UGGT2: variants seen among roughly 807,000 people sequenced by gnomAD.
UGGT2 encodes the protein UDP-glucose:glycoprotein glucosyltransferase 2.
UGGT2 carries 180 observed loss-of-function variants against 192.1 expected under a neutral mutation model. The observed-to-expected ratio is 0.94, with a 90% CI of 0.83 to 1.06. The LOEUF is 1.06. UGGT2 is among the 50% of genes least tolerant of loss of function. The probability of loss-of-function intolerance (pLI) is 0.00; values close to 1 mark genes in which losing one functional copy is unlikely to be tolerated. For synonymous variants in UGGT2, 580 were observed against 591.0 expected (o/e 0.98, Z 0.27); for missense variants, 1,849 against 1,795.7 (o/e 1.03, Z -0.54).
chr13:96,019,496 C>G (rs927854493), intron 4 of UGGT2, among the ~76,000 whole-genome samples: 2 of 152,148 alleles, frequency 1.3e-5, no homozygotes, highest in African/African-American at 4.8e-5. Context: ...ACTGAAAACA[C>G]CCCGAGAAAA....
Position 95,835,130 on chromosome 13 carries a change from C to T in UGGT2, c.4401+1956G>A, listed in dbSNP as rs535095731. On this transcript the variant is annotated intron_variant, in intron 37 of 38. Transcript: ENST00000376747. The stretch of plus-strand genomic sequence containing the variant: ...TTCAAAATCTGGTGTGTACTTTATA[C>T]CTTACAGCACATCTCAATTCAGAAT... 2.6e-5 allele frequency among the ~76,000 whole-genome samples: 4 copies of T among 152,136 alleles called. No homozygotes were observed. The South Asian group carries it at 8.3e-4, about 32-fold the overall frequency.
chr13:95,997,556 T>C (rs1261814761), intron 6 of UGGT2, among the ~76,000 whole-genome samples: 1 of 152,014 alleles, frequency 6.6e-6, no homozygotes, highest in East Asian at 1.9e-4. Context: ...AGCAAGAGAA[T>C]TGCTTCAATC....
chr13:95,891,735 C>T (rs1227889473), intron 24 of UGGT2, among the ~76,000 whole-genome samples: 1 of 152,024 alleles, frequency 6.6e-6, no homozygotes, highest in Non-Finnish European at 1.5e-5. Flanking sequence ...ATACATTTTA[C>T]ATATTACAAA....
intron 22 of UGGT2, among the ~76,000 whole-genome samples, chr13:95,895,598 G>T (rs1048589913): frequency 2.0e-5 from 3 of 151,900 alleles, no homozygotes; most frequent in African/African-American, 7.2e-5. Context: ...CATAAATCAT[G>T]ATTTGAAACA....
At chr13:96,048,569 A>G (rs1350150209) in intron 1 of UGGT2, among the ~76,000 whole-genome samples, 1 of 152,220 alleles carries the variant, frequency 6.6e-6, no homozygotes, top group Non-Finnish European at 1.5e-5. Flanking sequence ...TGAAAAGATC[A>G]ACAAAATTGA....
intron 1 of UGGT2, among the ~76,000 whole-genome samples, chr13:96,041,557 C>T (rs1342679043): frequency 1.3e-5 from 2 of 152,146 alleles, no homozygotes; most frequent in East Asian, 3.9e-4. Context: ...AGCATGAGAG[C>T]CCTATTTGCA....
At chr13:95,856,486 ACTT>A (rs1889630053) in intron 33 of UGGT2, 146 bp from the exon 34 acceptor site, 1 of 689,678 alleles carries the variant, frequency 1.4e-6, no homozygotes, top group Non-Finnish European at 2.3e-6. Context: ...TCTATAACAT[ACTT>A]ATTAATGAGA....
At chr13:96,017,328 G>C (rs1045533482) in intron 4 of UGGT2, among the ~76,000 whole-genome samples, 1 of 152,152 alleles carries the variant, frequency 6.6e-6, no homozygotes. Flanking sequence ...CCTCCAAATC[G>C]CATGTTGAAA....
chr13:96,049,191 A>C (rs1306191041), intron 1 of UGGT2, among the ~76,000 whole-genome samples: 1 of 152,252 alleles, frequency 6.6e-6, no homozygotes, highest in Non-Finnish European at 1.5e-5. Flanking sequence ...GCAAATCAAT[A>C]AACATAATTC....
rs552691153 is a variant in UGGT2, at chr13:95,875,541, C to T, written c.3473+1738G>A. On this transcript the variant is annotated intron_variant, in intron 29 of 38. Transcript: ENST00000376747. ...ATGTGTACTGTATTAACTTTCCAAA[C>T]GAAAAACTTCTAAATTCTAAAACAC... Among the ~76,000 whole-genome samples the T allele has an allele frequency of 3.5e-4, 54 of 152,254 alleles. No homozygotes were observed. In the East Asian group the frequency reaches 5.2e-3, roughly 15 times the overall value.
intron 1 of UGGT2, among the ~76,000 whole-genome samples, chr13:96,046,179 C>A (rs1398124718): frequency 6.6e-6 from 1 of 151,980 alleles, no homozygotes; most frequent in Non-Finnish European, 1.5e-5. Flanking sequence ...AGAAATAAAC[C>A]CAAATACTTC....
rs1321129931 is a variant in UGGT2, at chr13:95,853,850, G to A, written c.4170-193C>T. ...GAGTTTTAAGTTTGTTTTAATTTTG[G>A]TAGAACCCATAATCTTTTAGGGTCA... On this transcript the variant is annotated intron_variant, in intron 35 of 38. Transcript: ENST00000376747. Among the ~76,000 whole-genome samples, 11 of 152,016 alleles carry A rather than the reference G, an allele frequency of 7.2e-5. 1 individual carries two copies.
chr13:95,973,258 A>T (rs1424881581), intron 10 of UGGT2, among the ~76,000 whole-genome samples: 2 of 152,118 alleles, frequency 1.3e-5, no homozygotes, highest in Non-Finnish European at 2.9e-5. Context: ...TATTTGGCCT[A>T]AAGGTAGCAG....
chr13:95,961,650 G>A (rs1010589080), intron 12 of UGGT2, among the ~76,000 whole-genome samples: 3 of 152,070 alleles, frequency 2.0e-5, no homozygotes, highest in Non-Finnish European at 4.4e-5. Flanking sequence ...AACAATAATA[G>A]CTGGAACCTT....
At chr13:95,991,371 T>A (rs2051452767) in intron 7 of UGGT2, 1 of 413,092 alleles carries the variant, frequency 2.4e-6, no homozygotes, top group Admixed American at 2.8e-5. Context: ...TTTCTCCACA[T>A]CCCCTCCAGC....
intron 1 of UGGT2, among the ~76,000 whole-genome samples, chr13:96,052,709 T>C (rs1209038782): frequency 6.6e-6 from 1 of 152,192 alleles, no homozygotes; most frequent in East Asian, 1.9e-4. Flanking sequence ...ACTAATTCCG[T>C]TGGAAGAGAT....
intron 15 of UGGT2, among the ~76,000 whole-genome samples, chr13:95,943,262 A>T (rs73560849): frequency 0.021 from 3,213 of 152,222 alleles, 111 homozygotes; most frequent in African/African-American, 0.074. Flanking sequence ...CGGAAATGCA[A>T]TGAATTTAGA....
chr13:95,927,259 C>G lies in UGGT2; in HGVS notation c.2055G>C (p.Leu685Phe), dbSNP rs2049046237. ...GGTACTGCTGGTTAGTACGCAAAATCAAAGTATTTATACGGGGTACAACAT... is the reference window on the plus strand; with the variant it reads ...GGTACTGCTGGTTAGTACGCAAAATGAAAGTATTTATACGGGGTACAACAT... ...RNNVVPRINT[L>F]ILRTNQQYLN... The change falls in exon 18 of 39, where the codon TTG becomes TTC. Residue 685 changes from leucine (L) to phenylalanine (F), a missense_variant. Leu to Phe is a conservative substitution (Grantham distance 22). Transcript: ENST00000376747. The G allele has an allele frequency of 1.9e-6, 3 of 1,612,344 alleles. No individual in the cohort carries two copies. In the East Asian group the frequency reaches 6.7e-5, roughly 36 times the overall value.
intron 1 of UGGT2, among the ~76,000 whole-genome samples, chr13:96,044,158 T>C (rs2139212956): frequency 6.6e-6 from 1 of 152,214 alleles, no homozygotes; most frequent in East Asian, 1.9e-4. Context: ...TGACATTATA[T>C]CAAACACTCT....
Sources: allele counts gnomAD v4.1 joint callset (sites outside exome capture counted in the v4.1 genomes callset), GRCh38; gene constraint gnomAD v4.1.1; transcripts MANE v1.5; gene names NCBI Gene and HGNC (gene_info 2026-07-23, HGNC 2026-07-21).